The following MCF2L2 variants were observed in gnomAD, a reference collection of about 807,000 sequenced individuals.
The protein encoded by MCF2L2 is MCF.2 cell line derived transforming sequence-like 2.
In MCF2L2, 102 loss-of-function variants were observed where a neutral mutation model predicts 150.2. The ratio of observed to expected loss-of-function variants is 0.68; its 90% CI spans 0.58 to 0.80. The LOEUF (loss-of-function observed/expected upper bound fraction) is 0.80, where lower values mean the gene tolerates loss of function less well. Ranked by LOEUF, MCF2L2 falls within the 30% of genes least tolerant of loss-of-function variation. The pLI, the probability that MCF2L2 is intolerant of heterozygous loss-of-function variation, is 0.00. For missense variants in MCF2L2, 1,256 were observed against 1,372.8 expected (o/e 0.91, Z 1.34); for synonymous variants, 465 against 491.3 (o/e 0.95, Z 0.71).
chr3:183,279,801 C>T (rs1388213420), intron 14 of MCF2L2, among the ~76,000 whole-genome samples: 1 of 152,166 alleles, frequency 6.6e-6, no homozygotes, highest in Non-Finnish European at 1.5e-5. Context: ...GAGGCCGAGG[C>T]GAGTGGATCA....
At chr3:183,216,149 A>C (rs1178062192) in intron 21 of MCF2L2, 55 bp from the exon 22 acceptor site, 1 of 1,594,228 alleles carries the variant, frequency 6.3e-7, no homozygotes, top group Non-Finnish European at 8.6e-7. Flanking sequence ...TGCAAAGTGA[A>C]GAAGGAAAAC....
chr3:183,291,433 A>T (rs1728137971), intron 13 of MCF2L2, among the ~76,000 whole-genome samples: 1 of 152,264 alleles, frequency 6.6e-6, no homozygotes, highest in African/African-American at 2.4e-5. Context: ...TGAAGAATGT[A>T]GATCATATAC....
intron 10 of MCF2L2, among the ~76,000 whole-genome samples, chr3:183,306,057 G>A (rs73884641): frequency 0.05 from 7,642 of 152,242 alleles, 414 homozygotes; most frequent in East Asian, 0.13. Flanking sequence ...TATTACCTCT[G>A]CTTTACAGAT....
chr3:183,428,077 G>A lies in MCF2L2; in HGVS notation c.-100C>T, dbSNP rs1319817866. ...AGGCATCTCCGCCCAAGGATGCTCT[G>A]CCCTCGCCCTCTTCCTGGCTCTCCA... is the stretch of plus-strand genomic sequence containing the variant. On this transcript the variant is annotated 5_prime_UTR_variant, in exon 1 of 30. Coordinates refer to ENST00000328913, the MANE Select transcript of MCF2L2 (RefSeq NM_015078.4). This position sits in a 1 kb window ranked among gnomAD's most constrained non-coding sequence, Gnocchi z 5.1. The A allele has an allele frequency of 1.0e-5, 9 of 872,958 alleles. No homozygotes were observed. The highest frequency in any genetic ancestry group is 1.3e-5 in the Non-Finnish European group (7 of 520,454). The allele number at this position is 872,958 out of a possible 1,614,324, so 54.1% of individuals were successfully genotyped here.
intron 3 of MCF2L2, among the ~76,000 whole-genome samples, chr3:183,357,402 AAAAC>A (rs1264115825): frequency 6.6e-6 from 1 of 152,208 alleles, no homozygotes; most frequent in African/African-American, 2.4e-5. Context: ...ACTCACAGGA[AAAAC>A]AAAACAAAAC....
At chr3:183,384,074 CTGCTGACCAGGAACATACA>C (rs1360966014) in intron 2 of MCF2L2, among the ~76,000 whole-genome samples, 4 of 152,222 alleles carry the variant, frequency 2.6e-5, no homozygotes, top group Non-Finnish European at 5.9e-5. Flanking sequence ...GAAAAGTTGT[CTGCTGACCAGGAACATACA>C]TGCAGAACTG....
intron 27 of MCF2L2, chr3:183,192,689 T>C: frequency 3.6e-6 from 1 of 274,966 alleles, no homozygotes; most frequent in Non-Finnish European, 6.8e-6. Flanking sequence ...CTGTAATTTT[T>C]CCATTTGATA....
intron 22 of MCF2L2, among the ~76,000 whole-genome samples, chr3:183,212,157 A>G (rs1369482307): frequency 6.6e-6 from 1 of 152,222 alleles, no homozygotes; most frequent in East Asian, 1.9e-4. Flanking sequence ...CAGACGAGGT[A>G]AGGAAGGATT....
chr3:183,355,841 A>AG (rs1156903119), intron 3 of MCF2L2, among the ~76,000 whole-genome samples: 1 of 152,052 alleles, frequency 6.6e-6, no homozygotes, highest in Non-Finnish European at 1.5e-5. Context: ...TCATGAAGCT[A>AG]GGGGTGATGC....
At chr3:183,334,185 A>C (rs1730378569) in intron 5 of MCF2L2, among the ~76,000 whole-genome samples, 1 of 152,204 alleles carries the variant, frequency 6.6e-6, no homozygotes, top group South Asian at 2.1e-4. Context: ...CTGATTAGTA[A>C]ATGATGAGAG....
intron 3 of MCF2L2, among the ~76,000 whole-genome samples, chr3:183,357,369 G>A (rs1164921219): frequency 6.6e-6 from 1 of 152,152 alleles, no homozygotes; most frequent in Non-Finnish European, 1.5e-5. Flanking sequence ...AGTGCTAAGA[G>A]AAGAGGCCAT....
intron 21 of MCF2L2, among the ~76,000 whole-genome samples, chr3:183,219,156 G>A (rs1169048260): frequency 6.6e-6 from 1 of 152,096 alleles, no homozygotes; most frequent in Non-Finnish European, 1.5e-5. Flanking sequence ...ACACACAGAG[G>A]AGAACAAGGC....
chr3:183,270,307 T>C lies in MCF2L2; in HGVS notation c.1862+6565A>G, dbSNP rs1463654391. The C allele has an allele frequency of 6.2e-7, 1 of 1,614,092 alleles. No homozygotes were observed. Among genetic ancestry groups the C allele is most frequent in the Non-Finnish European group, 8.5e-7 (1 of 1,180,032 alleles). Reference sequence around the variant, plus strand: ...GTTGATTCTTTCTACAATCTTACTCTGAAATTACTTATGCAGTTCAGTTGG... The same window carrying C: ...GTTGATTCTTTCTACAATCTTACTCCGAAATTACTTATGCAGTTCAGTTGG... On this transcript the variant is annotated intron_variant, in intron 15 of 29. Transcript: ENST00000328913. This position sits in a 1 kb window ranked among gnomAD's most constrained non-coding sequence, Gnocchi z 4.5.
rs145505385 is a variant in MCF2L2 at position 183,311,702 on chromosome 3, C to T, written c.824G>A (p.Cys275Tyr). ...GTTGAGATTGAGTTTGCTGTTGGGA[C>T]ATTTGGTTGCTGGTTCTTGGATGCA... Reference protein sequence around the residue: ...LSCIQEPATKCPNSKLNLNQL... With the variant: ...LSCIQEPATKYPNSKLNLNQL... Residue 275 changes from cysteine to tyrosine, a missense_variant, in exon 8 of 30, where the codon TGT becomes TAT. Coordinates refer to ENST00000328913, the MANE Select transcript of MCF2L2 (RefSeq NM_015078.4). 2.0e-4 allele frequency: 318 copies of T among 1,614,096 alleles called. 2 individuals are homozygous for T. The Middle Eastern group carries it at 7.8e-3, about 39-fold the overall frequency.
chr3:183,382,523 A>C lies in MCF2L2; in HGVS notation c.161-3112T>G, dbSNP rs564803311. ...GTTGAATATTAGTCTTAAGAGGCAG[A>C]AGCATCAAGGAAACAGAGCTGGACT... is the stretch of plus-strand genomic sequence containing the variant. On this transcript the variant is annotated intron_variant, in intron 2 of 29. Transcript: ENST00000328913. Among the ~76,000 whole-genome samples, 4 of 152,352 alleles carry C rather than the reference A, an allele frequency of 2.6e-5. No homozygotes were observed. The South Asian group carries it at 8.3e-4, about 32-fold the overall frequency.
intron 3 of MCF2L2, among the ~76,000 whole-genome samples, chr3:183,350,796 C>A (rs991584901): frequency 6.6e-6 from 1 of 151,854 alleles, no homozygotes; most frequent in Non-Finnish European, 1.5e-5. Flanking sequence ...CCCAGCTACT[C>A]CAGAGGCTGA....
intron 15 of MCF2L2, among the ~76,000 whole-genome samples, chr3:183,256,169 T>A (rs781350306): frequency 5.9e-5 from 9 of 152,208 alleles, no homozygotes; most frequent in Non-Finnish European, 7.4e-5. Context: ...AATATTTCCA[T>A]AGCCATTATT....
chr3:183,333,874 A>C (rs1577069844), intron 5 of MCF2L2, among the ~76,000 whole-genome samples: 2 of 152,104 alleles, frequency 1.3e-5, no homozygotes, highest in East Asian at 1.9e-4. Context: ...CAGGGCTCTT[A>C]AGAGAAATGG....
chr3:183,250,756 C>T (rs866637251), intron 15 of MCF2L2, among the ~76,000 whole-genome samples: 1 of 152,098 alleles, frequency 6.6e-6, no homozygotes, highest in African/African-American at 2.4e-5. Context: ...GATAGGGCAT[C>T]GTCTGAATGG....
Sources: gnomAD v4.1 joint callset for allele counts (sites outside exome capture counted in the v4.1 genomes callset) on GRCh38, gnomAD v4.1.1 for gene constraint, Gnocchi (gnomAD v3.1) non-coding constraint, MANE v1.5 for transcripts, NCBI Gene and HGNC (gene_info 2026-07-23, HGNC 2026-07-21) for gene names.